Variants in ALDH1A3 observed in about 807,000 individuals in gnomAD.
ALDH1A3 encodes the protein aldehyde dehydrogenase 1 family member A3.
A neutral mutation model predicts 57.5 loss-of-function variants in ALDH1A3; 28 were observed. That is an observed-to-expected ratio of 0.49 (90% CI 0.36 to 0.67). ALDH1A3 has a LOEUF of 0.67. ALDH1A3 is among the 30% of genes least tolerant of loss of function. The pLI is 0.00. For synonymous variants in ALDH1A3, 281 were observed against 264.8 expected (o/e 1.06, Z -0.59); for missense variants, 507 against 669.4 (o/e 0.76, Z 2.68).
chr15:100,905,540 C>G lies in ALDH1A3; in HGVS notation c.1086C>G (p.Phe362Leu), dbSNP rs187280010. 7.4e-6 allele frequency: 12 copies of G among 1,614,076 alleles called. No homozygotes were observed. Among genetic ancestry groups the G allele is most frequent in the Non-Finnish European group, 1.0e-5 (12 of 1,180,010 alleles). Residue 362 changes from phenylalanine to leucine, a missense_variant, in exon 10 of 13, where the codon TTC (phenylalanine) becomes TTG (leucine). By Grantham distance (22) the Phe-to-Leu change is conservative. Around this residue, in one of 2 missense-constraint regions of ALDH1A3, gnomAD observed 432 missense variants for 608.4 expected, o/e 0.71. Transcript: ENST00000329841. ...TCTTGCAGATTGATCAAAAGCAGTT[C>G]GACAAAATCTTAGAGCTGATCGAGA... ...EQGPQIDQKQ[F>L]DKILELIESG...
chr15:100,912,321 G>C (rs2041889467), intron 12 of ALDH1A3, among the ~76,000 whole-genome samples: 1 of 152,030 alleles, frequency 6.6e-6, no homozygotes, highest in South Asian at 2.1e-4. Flanking sequence ...CACACTTATT[G>C]GTAATTCATA....
intron 9 of ALDH1A3, among the ~76,000 whole-genome samples, chr15:100,903,977 A>ACC (rs1249289848): frequency 1.3e-5 from 2 of 151,674 alleles, no homozygotes; most frequent in East Asian, 1.9e-4. Context: ...TTTTGCCCCC[A>ACC]CCCCATTTTT....
chr15:100,881,387 C>T (rs1567166449), intron 1 of ALDH1A3: 1 of 152,170 alleles, frequency 6.6e-6, no homozygotes, highest in Non-Finnish European at 1.5e-5. Context: ...GACCCTAACC[C>T]CAGGTGCTTG....
At position 100,892,708 on chromosome 15, in the gene ALDH1A3, C is replaced by G. The variant is rs78211647; in HGVS notation, c.475+69C>G. The G allele has an allele frequency of 3.6e-3, 5,467 of 1,537,474 alleles. 117 individuals are homozygous for G. The African/African-American group carries it at 0.059, about 16-fold the overall frequency. On this transcript the variant is annotated intron_variant, in intron 4 of 12. Transcript: ENST00000329841. ...CTATATCTTTTCATTAATCCAGAGCCCCCCCTGACTGTTTCCCTAAGGCAC... is the reference window on the plus strand; with the variant it reads ...CTATATCTTTTCATTAATCCAGAGCGCCCCCTGACTGTTTCCCTAAGGCAC...
chr15:100,912,101 TCCC>T (rs2041887742), intron 12 of ALDH1A3, among the ~76,000 whole-genome samples: 1 of 152,240 alleles, frequency 6.6e-6, no homozygotes, highest in Admixed American at 6.5e-5. Context: ...ATTGATGATC[TCCC>T]ATGAGGAACT....
chr15:100,908,604 G>T, intron 12 of ALDH1A3, 122 bp downstream of exon 12: 1 of 876,112 alleles, frequency 1.1e-6, no homozygotes, highest in Non-Finnish European at 1.8e-6. Flanking sequence ...CGCTCTGTCT[G>T]GGCCAGCTGT....
At chr15:100,900,316 C>T (rs1450098821) in intron 8 of ALDH1A3, among the ~76,000 whole-genome samples, 3 of 152,190 alleles carry the variant, frequency 2.0e-5, no homozygotes, top group Non-Finnish European at 4.4e-5. Flanking sequence ...ACTCTCTGGA[C>T]TTATTAGCAT....
chr15:100,896,087 G>A lies in ALDH1A3; in HGVS notation c.780+41G>A, dbSNP rs552697532. ...GGGTGCTGGGGAAAGTGAAAGGGGC[G>A]TGTTATTTGACACCCGTGAGCTTTT... On this transcript the variant is annotated intron_variant, in intron 7 of 12. Transcript: ENST00000329841. 37 of 1,484,322 alleles carry A rather than the reference G, an allele frequency of 2.5e-5. No homozygotes were observed. The Middle Eastern group carries it at 5.2e-4, about 21-fold the overall frequency. The allele number at this position is 1,484,322 out of a possible 1,614,324, so 91.9% of individuals were successfully genotyped here.
intron 12 of ALDH1A3, among the ~76,000 whole-genome samples, chr15:100,910,200 G>A (rs1485767620): frequency 6.6e-6 from 1 of 152,268 alleles, no homozygotes; most frequent in Non-Finnish European, 1.5e-5. Context: ...GCACTTGTGA[G>A]TGAAGCCTGT....
At chr15:100,904,650 G>C (rs1234171487) in intron 9 of ALDH1A3, among the ~76,000 whole-genome samples, 3 of 152,224 alleles carry the variant, frequency 2.0e-5, no homozygotes, top group African/African-American at 7.2e-5. Context: ...GACCAGTGGA[G>C]GGGGCAGAAA....
intron 9 of ALDH1A3, among the ~76,000 whole-genome samples, chr15:100,903,698 T>C (rs948738534): frequency 1.3e-5 from 2 of 152,254 alleles, no homozygotes; most frequent in African/African-American, 2.4e-5. Flanking sequence ...TTTTTGCCCA[T>C]AGGAGAGTTA....
At chr15:100,900,847 C>G in intron 9 of ALDH1A3, 88 bp downstream of exon 9, 1 of 1,442,516 alleles carries the variant, frequency 6.9e-7, no homozygotes, top group Non-Finnish European at 9.4e-7. Context: ...GGGTCCCTCT[C>G]CGTGAAAGGA....
chr15:100,908,801 G>A (rs2041852379), intron 12 of ALDH1A3, among the ~76,000 whole-genome samples: 1 of 152,206 alleles, frequency 6.6e-6, no homozygotes, highest in Non-Finnish European at 1.5e-5. Flanking sequence ...CTGAAAAAGT[G>A]TACTTTTGCC....
At chr15:100,914,474 G>C (rs1396574140) in intron 12 of ALDH1A3, 1 of 439,724 alleles carries the variant, frequency 2.3e-6, no homozygotes, top group Non-Finnish European at 4.1e-6. Context: ...CATTTCAAAA[G>C]CATCACACAG....
At position 100,897,154 on chromosome 15, in the gene ALDH1A3, G is replaced by T. The variant is rs2041713049; in HGVS notation, c.781-929G>T. On this transcript the variant is annotated intron_variant, in intron 7 of 12. Transcript: ENST00000329841. Reference sequence around the variant, plus strand: ...GGTGGATGCTGTTACTCTCCTTGGAGACAGACACTGCCCTGTGGATGGATT... The same window carrying T: ...GGTGGATGCTGTTACTCTCCTTGGATACAGACACTGCCCTGTGGATGGATT... 2.0e-5 allele frequency among the ~76,000 whole-genome samples: 3 copies of T among 152,242 alleles called. No homozygotes were observed. The South Asian group carries it at 6.2e-4, about 32-fold the overall frequency.
At chr15:100,896,849 G>T (rs186103187) in intron 7 of ALDH1A3, among the ~76,000 whole-genome samples, 1 of 152,134 alleles carries the variant, frequency 6.6e-6, no homozygotes, top group Non-Finnish European at 1.5e-5. Flanking sequence ...AACAGCAAAC[G>T]GTAGAAAATT....
chr15:100,910,857 G>A lies in ALDH1A3; in HGVS notation c.1466+2375G>A, dbSNP rs544994174. Among the ~76,000 whole-genome samples the A allele has an allele frequency of 1.1e-3, 171 of 152,330 alleles. 1 individual carries two copies. Among genetic ancestry groups the A allele is most frequent in the African/African-American group, 3.7e-3 (152 of 41,570 alleles). On this transcript the variant is annotated intron_variant, in intron 12 of 12. Coordinates refer to ENST00000329841, the MANE Select transcript of ALDH1A3 (RefSeq NM_000693.4). ...GTCCCCGAAGCAAATGTCCCTGGGC[G>A]TAGAAGCTGCAGGGCCCCCAATCCC...
rs114907421 is a variant in ALDH1A3, at chr15:100,908,648, C to T, written c.1466+166C>T. The stretch of plus-strand genomic sequence containing the variant: ...AGGGTTGGTGGGGACCCATCCCTTC[C>T]TCTCTCCAGCCCACCCTTCCCACTT... On this transcript the variant is annotated intron_variant, in intron 12 of 12. Transcript: ENST00000329841. Among the ~76,000 whole-genome samples, 470 of 152,306 alleles carry T rather than the reference C, an allele frequency of 3.1e-3. 4 individuals are homozygous for T. The highest frequency in any genetic ancestry group is 0.011 in the African/African-American group (456 of 41,556).
chr15:100,900,753 G>C lies in ALDH1A3; in HGVS notation c.1062G>C (p.Gly354=), dbSNP rs760197976. The C allele has an allele frequency of 6.2e-6, 10 of 1,613,882 alleles. No individual in the cohort carries two copies. Among genetic ancestry groups the C allele is most frequent in the Non-Finnish European group, 8.5e-6 (10 of 1,179,918 alleles). The change falls in exon 9 of 13, where the codon GGG becomes GGC. Residue 354 remains glycine, a synonymous_variant. Transcript: ENST00000329841. ...CCTTCGATGTCAAAACAGAACAGGG[G>C]CCTCAGGTAATCCCCCTGGTGTGTG... ...GDPFDVKTEQ[G]PQIDQKQFDK...
Sources: allele counts gnomAD v4.1 joint callset (sites outside exome capture counted in the v4.1 genomes callset), GRCh38; gene constraint gnomAD v4.1.1; regional missense constraint gnomAD v4.1.1; transcripts MANE v1.5; gene names NCBI Gene and HGNC (gene_info 2026-07-23, HGNC 2026-07-21).